PCDHA3: variants seen among roughly 807,000 people sequenced by gnomAD.
The protein encoded by PCDHA3 is protocadherin alpha 3.
Under a neutral mutation model 62.2 loss-of-function variants are expected in PCDHA3, and 41 were observed. That is an observed-to-expected ratio of 0.66 (90% CI 0.51 to 0.86). The LOEUF (loss-of-function observed/expected upper bound fraction) is 0.86, where lower values mean the gene tolerates loss of function less well. PCDHA3 is among the 40% of genes least tolerant of loss of function. PCDHA3 has a pLI of 0.00. For synonymous variants in PCDHA3, 640 were observed against 555.4 expected (o/e 1.15, Z -2.14); for missense variants, 1,304 against 1,241.2 (o/e 1.05, Z -0.76).
In PCDHA3 at chr5:140,929,414, A is replaced by G. The variant is rs1174756115; in HGVS notation, c.2395-49535A>G. The G allele has an allele frequency of 6.6e-6, 10 of 1,504,304 alleles. No individual in the cohort carries two copies. The East Asian group carries it at 1.1e-4, about 17-fold the overall frequency. 93.2% of individuals were successfully genotyped at this position (1,504,304 alleles called of 1,614,324 possible). A position where few individuals can be genotyped will look rare whatever the true frequency, so the allele number is the denominator to read the frequency against. On this transcript the variant is annotated intron_variant, in intron 1 of 3. Transcript: ENST00000522353. ...ATATTTCTTAGACAAGCCTTTCACA[A>G]CATTTCATCAATTGAACTAAACACT...
At chr5:140,841,595 C>G (rs2150318765) in intron 1 of PCDHA3, 1 of 1,614,060 alleles carries the variant, frequency 6.2e-7, no homozygotes, top group Non-Finnish European at 8.5e-7. Flanking sequence ...TCGGATCGAC[C>G]GCGAGGAGCT....
intron 1 of PCDHA3, chr5:140,857,754 C>T: frequency 6.3e-7 from 1 of 1,597,392 alleles, no homozygotes; most frequent in Non-Finnish European, 8.6e-7. Flanking sequence ...GCGTCTCCCG[C>T]TGGCAGCGCG....
intron 1 of PCDHA3, among the ~76,000 whole-genome samples, chr5:140,898,095 T>C (rs1196262591): frequency 7.9e-5 from 12 of 152,170 alleles, no homozygotes; most frequent in Non-Finnish European, 1.6e-4. Flanking sequence ...ATTAGCCCTT[T>C]GTCAGATGAG....
chr5:140,969,542 C>T, intron 1 of PCDHA3: 1 of 1,279,490 alleles, frequency 7.8e-7, no homozygotes, highest in South Asian at 1.6e-5. Flanking sequence ...TTTTCAGAGG[C>T]ATGAAGCCTT....
At chr5:140,834,844 T>C in intron 1 of PCDHA3, 2 of 1,611,130 alleles carry the variant, frequency 1.2e-6, no homozygotes, top group Non-Finnish European at 1.7e-6. Flanking sequence ...CGGTTTCCAC[T>C]AGAGGGCGCG....
intron 1 of PCDHA3, among the ~76,000 whole-genome samples, chr5:140,945,912 A>G (rs1351762760): frequency 2.0e-5 from 3 of 152,132 alleles, no homozygotes; most frequent in African/African-American, 7.2e-5. Flanking sequence ...TGAAAGATCA[A>G]TAACACTGAT....
chr5:141,009,955 A>G lies in PCDHA3; in HGVS notation c.*18A>G, dbSNP rs782282264. 6.3e-7 allele frequency: 1 copy of G among 1,592,418 alleles called. No individual in the cohort carries two copies. Among genetic ancestry groups the G allele is most frequent in the African/African-American group, 1.4e-5 (1 of 73,350 alleles). ...ACCAGTGAGGTCCTCAAATGGAAAC[A>G]AGCCACTTAGCCAGTTTTTGTAATA... On this transcript the variant is annotated 3_prime_UTR_variant, in exon 4 of 4. Transcript: ENST00000522353.
intron 1 of PCDHA3, chr5:140,868,729 T>C (rs1467955446): frequency 5.1e-6 from 1 of 195,146 alleles, no homozygotes; most frequent in African/African-American, 2.3e-5. Flanking sequence ...TTGATGTTAA[T>C]CGAGAAATAC....
intron 1 of PCDHA3, among the ~76,000 whole-genome samples, chr5:140,924,739 ACAAAAATTAACCGAG>A (rs2081980485): frequency 6.6e-6 from 1 of 151,884 alleles, no homozygotes; most frequent in Non-Finnish European, 1.5e-5. Flanking sequence ...TAATAAAAAT[ACAAAAATTAACCGAG>A]CATGGTGGTG....
intron 1 of PCDHA3, among the ~76,000 whole-genome samples, chr5:140,943,453 G>T (rs545980639): frequency 3.3e-4 from 50 of 152,158 alleles, no homozygotes; most frequent in Admixed American, 2.6e-4. Context: ...GAATTGATAA[G>T]GCTAAATGTG....
At chr5:141,008,751 AG>A (rs1234240078) in intron 3 of PCDHA3, among the ~76,000 whole-genome samples, 11 of 152,244 alleles carry the variant, frequency 7.2e-5, no homozygotes, top group African/African-American at 2.2e-4. Context: ...CACTGAGGGA[AG>A]GAATTTGGCT....
chr5:140,986,625 C>T (rs1312536887), intron 3 of PCDHA3, among the ~76,000 whole-genome samples: 2 of 152,122 alleles, frequency 1.3e-5, no homozygotes, highest in African/African-American at 4.8e-5. Flanking sequence ...TTACCTAAGG[C>T]AACAGTACAT....
intron 1 of PCDHA3, chr5:140,812,682 T>C (rs1304986293): frequency 6.6e-6 from 1 of 152,230 alleles, no homozygotes; most frequent in Non-Finnish European, 1.5e-5. Context: ...GGCACGATCA[T>C]AGCTCCCTGC....
intron 1 of PCDHA3, among the ~76,000 whole-genome samples, chr5:140,957,899 A>G (rs551066654): frequency 3.0e-4 from 46 of 152,226 alleles, no homozygotes; most frequent in African/African-American, 1.1e-3. Flanking sequence ...GCATCAACCA[A>G]GGCATATTGT....
intron 1 of PCDHA3, chr5:140,927,096 G>A (rs1554204014): frequency 1.2e-6 from 2 of 1,612,778 alleles, no homozygotes; most frequent in Admixed American, 1.7e-5. Context: ...ACTTCGGGGT[G>A]GATCTACCCA....
chr5:140,943,830 G>C (rs1245752469), intron 1 of PCDHA3, among the ~76,000 whole-genome samples: 1 of 152,198 alleles, frequency 6.6e-6, no homozygotes, highest in Non-Finnish European at 1.5e-5. Context: ...TGAGTTGATT[G>C]AAGTTGTAAG....
intron 1 of PCDHA3, chr5:140,857,395 C>T (rs1554149953): frequency 6.3e-7 from 1 of 1,598,586 alleles, no homozygotes; most frequent in South Asian, 1.1e-5. Context: ...ACGTGAACGA[C>T]AACGCGCCTG....
At chr5:140,843,585 C>A in intron 1 of PCDHA3, 2 of 1,596,014 alleles carry the variant, frequency 1.3e-6, no homozygotes, top group East Asian at 2.2e-5. Context: ...CAACAACAGC[C>A]GCAGAGGGTG....
At chr5:140,830,198 G>A (rs2150099419) in intron 1 of PCDHA3, 1 of 1,613,708 alleles carries the variant, frequency 6.2e-7, no homozygotes, top group Non-Finnish European at 8.5e-7. Context: ...CCTGATCATC[G>A]CCATCTGCGC....
Sources: allele counts gnomAD v4.1 joint callset (sites outside exome capture counted in the v4.1 genomes callset), GRCh38; gene constraint gnomAD v4.1.1; transcripts MANE v1.5; gene names NCBI Gene and HGNC (gene_info 2026-07-23, HGNC 2026-07-21).